POLN: variants seen among roughly 807,000 people sequenced by gnomAD.
The protein encoded by POLN is DNA polymerase nu, also known as DNA polymerase N.
POLN carries 108 observed loss-of-function variants against 113.5 expected under a neutral mutation model. The observed-to-expected ratio is 0.95, with a 90% CI of 0.81 to 1.12. The LOEUF (loss-of-function observed/expected upper bound fraction) is 1.12, where lower values mean the gene tolerates loss of function less well. POLN is among the 50% of genes most tolerant of loss of function. The pLI, the probability that POLN is intolerant of heterozygous loss-of-function variation, is 0.00. For missense variants in POLN, 1,097 were observed against 1,077.1 expected (o/e 1.02, Z -0.26); for synonymous variants, 386 against 391.5 (o/e 0.99, Z 0.17).
intron 11 of POLN, among the ~76,000 whole-genome samples, chr4:2,173,389 T>C (rs1374269265): frequency 6.6e-6 from 1 of 152,204 alleles, no homozygotes; most frequent in Non-Finnish European, 1.5e-5. Flanking sequence ...GCACCCATCA[T>C]TCAAGTTCAA....
At chr4:2,199,284 A>G (rs1195297802) in intron 5 of POLN, among the ~76,000 whole-genome samples, 1 of 152,214 alleles carries the variant, frequency 6.6e-6, no homozygotes, top group Non-Finnish European at 1.5e-5. Context: ...AAATCAGAGA[A>G]GACCTAAATA....
intron 9 of POLN, among the ~76,000 whole-genome samples, chr4:2,175,008 G>A (rs1050238701): frequency 1.3e-5 from 2 of 152,044 alleles, no homozygotes; most frequent in African/African-American, 2.4e-5. Flanking sequence ...ATTTTTAGTA[G>A]AGACGGAGTT....
intron 7 of POLN, among the ~76,000 whole-genome samples, chr4:2,181,126 A>G (rs1733129532): frequency 6.6e-6 from 1 of 151,914 alleles, no homozygotes; most frequent in Admixed American, 6.6e-5. Flanking sequence ...AATTAAGGAA[A>G]GGGAATTTTT....
intron 23 of POLN, chr4:2,079,750 A>G (rs1207126000): frequency 3.9e-6 from 3 of 759,578 alleles, no homozygotes; most frequent in Non-Finnish European, 4.8e-6. Flanking sequence ...ACACCTGGCT[A>G]ATTTTTGTAT....
chr4:2,113,092 T>G (rs1190345694), intron 19 of POLN, among the ~76,000 whole-genome samples: 1 of 151,758 alleles, frequency 6.6e-6, no homozygotes, highest in South Asian at 2.1e-4. Context: ...TGTAGGGACA[T>G]GGATGAAGCT....
At chr4:2,091,533 CT>C (rs1482002485) in intron 20 of POLN, among the ~76,000 whole-genome samples, 1 of 152,122 alleles carries the variant, frequency 6.6e-6, no homozygotes, top group Non-Finnish European at 1.5e-5. Flanking sequence ...AGCAGGATGG[CT>C]TTTGGCTCTG....
At chr4:2,168,899 A>G (rs1231599703) in intron 13 of POLN, among the ~76,000 whole-genome samples, 1 of 152,250 alleles carries the variant, frequency 6.6e-6, no homozygotes, top group Non-Finnish European at 1.5e-5. Flanking sequence ...CACAACCTAC[A>G]TTCTAATGGA....
chr4:2,092,624 C>G (rs1474872732), intron 20 of POLN, among the ~76,000 whole-genome samples: 1 of 152,236 alleles, frequency 6.6e-6, no homozygotes, highest in Non-Finnish European at 1.5e-5. Context: ...CTGCTGCTTC[C>G]TCTGCTGTAT....
intron 16 of POLN, among the ~76,000 whole-genome samples, chr4:2,137,532 G>A (rs1324484361): frequency 6.6e-6 from 1 of 152,118 alleles, no homozygotes; most frequent in African/African-American, 2.4e-5. Context: ...CAGCCTGAAG[G>A]GCAGTGTGGC....
Position 2,178,354 on chromosome 4 carries a change from T to C in POLN, c.1179+954A>G, listed in dbSNP as rs536119344. Among the ~76,000 whole-genome samples, 6 of 152,364 alleles carry C rather than the reference T, an allele frequency of 3.9e-5. 1 individual carries two copies. The South Asian group carries it at 1.2e-3, about 32-fold the overall frequency. ...GCTGTGATTGCTTGAGCTAGCTCAGTAGCCTGTGTGTTCTTCCAGCAGTGA... is the reference window on the plus strand; with the variant it reads ...GCTGTGATTGCTTGAGCTAGCTCAGCAGCCTGTGTGTTCTTCCAGCAGTGA... On this transcript the variant is annotated intron_variant, in intron 8 of 25. Transcript: ENST00000511885.
At chr4:2,167,061 G>A (rs1375617055) in intron 13 of POLN, among the ~76,000 whole-genome samples, 8 of 152,082 alleles carry the variant, frequency 5.3e-5, no homozygotes, top group African/African-American at 1.2e-4. Context: ...AACCATCAAC[G>A]GTGTCTAACA....
In POLN at chr4:2,173,966, C is replaced by A; in HGVS notation, c.1363G>T (p.Ala455Ser). 1.2e-6 allele frequency: 2 copies of A among 1,614,166 alleles called. No individual in the cohort carries two copies. The highest frequency in any genetic ancestry group is 1.7e-6 in the Non-Finnish European group (2 of 1,179,998). Residue 455 changes from alanine (A) to serine (S), a missense_variant, in exon 11 of 26, where the codon GCA (alanine) becomes TCA (serine). By Grantham distance (99) the Ala-to-Ser change is moderately conservative. Coordinates refer to ENST00000511885, the MANE Select transcript of POLN (RefSeq NM_181808.4). ...VNKEEMEKTS[A>S]LLGARLKELE... ...GAATAATAACTTACCCCAAGAAGTGCTGACGTCTTCTCCATCTCCTCTTTG... is the reference window on the plus strand; with the variant it reads ...GAATAATAACTTACCCCAAGAAGTGATGACGTCTTCTCCATCTCCTCTTTG...
At chr4:2,141,714 T>C (rs573427983) in intron 16 of POLN, among the ~76,000 whole-genome samples, 2 of 152,242 alleles carry the variant, frequency 1.3e-5, no homozygotes, top group Non-Finnish European at 2.9e-5. Context: ...CATGAACCAG[T>C]GAGAACCCAG....
chr4:2,149,744 T>C (rs945730701), intron 16 of POLN, among the ~76,000 whole-genome samples: 7 of 151,906 alleles, frequency 4.6e-5, no homozygotes, highest in Non-Finnish European at 1.0e-4. Flanking sequence ...TATGATTACA[T>C]CACTGTACTC....
chr4:2,223,489 T>C (rs1734312837), intron 3 of POLN, among the ~76,000 whole-genome samples: 2 of 152,200 alleles, frequency 1.3e-5, no homozygotes, highest in Admixed American at 6.5e-5. Flanking sequence ...TGGAACAGTT[T>C]CATCCCAAAA....
intron 16 of POLN, among the ~76,000 whole-genome samples, chr4:2,142,909 C>G (rs1041937538): frequency 6.6e-6 from 1 of 151,542 alleles, no homozygotes; most frequent in African/African-American, 2.4e-5. Flanking sequence ...ACCCTCACCC[C>G]CTCTGTTGGT....
Position 2,187,578 on chromosome 4 carries a change from G to A in POLN, c.1021+5626C>T, listed in dbSNP as rs149598212. Among the ~76,000 whole-genome samples, 424 of 152,168 alleles carry A rather than the reference G, an allele frequency of 2.8e-3. 3 individuals are homozygous for A. The highest frequency in any genetic ancestry group is 9.8e-3 in the African/African-American group (408 of 41,520). On this transcript the variant is annotated intron_variant, in intron 7 of 25. Transcript: ENST00000511885. ...AGAAAGATATAAATATCCAGGTAGA[G>A]GAAGGCCAGAGATCAAACAGATTAA...
At position 2,093,649 on chromosome 4, in the gene POLN, A is replaced by G. The variant is rs953647989; in HGVS notation, c.2065+2202T>C. 2.0e-5 allele frequency among the ~76,000 whole-genome samples: 3 copies of G among 152,190 alleles called. No individual in the cohort carries two copies. The highest frequency in any genetic ancestry group is 4.8e-5 in the African/African-American group (2 of 41,458). The stretch of plus-strand genomic sequence containing the variant: ...AACAAACTCTCATATAATTTGGCAG[A>G]GTGATGCCTTCCCCCAAGACAGAGG... On this transcript the variant is annotated intron_variant, in intron 20 of 25. Transcript: ENST00000511885. This position sits in a 1 kb window ranked among gnomAD's most constrained non-coding sequence, Gnocchi z 4.1.
intron 21 of POLN, 115 bp downstream of exon 21, chr4:2,085,498 C>T: frequency 7.2e-7 from 1 of 1,393,336 alleles, no homozygotes; most frequent in Non-Finnish European, 9.8e-7. Context: ...TCACCCAGGC[C>T]CCCAAACCAA....
Sources: gnomAD v4.1 joint callset for allele counts (sites outside exome capture counted in the v4.1 genomes callset) on GRCh38, gnomAD v4.1.1 for gene constraint, Gnocchi (gnomAD v3.1) non-coding constraint, MANE v1.5 for transcripts, NCBI Gene and HGNC (gene_info 2026-07-23, HGNC 2026-07-21) for gene names.